The following TAF1B variants were observed in gnomAD, a reference collection of about 807,000 sequenced individuals.
The protein encoded by TAF1B is TATA-box binding protein associated factor, RNA polymerase I subunit B, also known as TATA box-binding protein-associated factor RNA polymerase I subunit B.
A neutral mutation model predicts 83.9 loss-of-function variants in TAF1B; 61 were observed. The ratio of observed to expected loss-of-function variants is 0.73; its 90% CI spans 0.59 to 0.90. TAF1B has a LOEUF of 0.90. Ranked by LOEUF, TAF1B falls within the 40% of genes least tolerant of loss-of-function variation. The probability of loss-of-function intolerance (pLI) is 0.00; values close to 1 mark genes in which losing one functional copy is unlikely to be tolerated. For missense variants in TAF1B, 625 were observed against 677.0 expected (o/e 0.92, Z 0.85); for synonymous variants, 221 against 224.6 (o/e 0.98, Z 0.14).
chr2:9,889,831 TACTAAAG>T (rs1664811239), intron 8 of TAF1B, among the ~76,000 whole-genome samples: 1 of 152,192 alleles, frequency 6.6e-6, no homozygotes, highest in South Asian at 2.1e-4. Context: ...GGCGTATCCC[TACTAAAG>T]ACTCTACCCA....
intron 14 of TAF1B, among the ~76,000 whole-genome samples, chr2:9,921,383 C>T (rs1027921291): frequency 3.3e-5 from 5 of 152,142 alleles, no homozygotes; most frequent in Admixed American, 2.0e-4. Flanking sequence ...TGAGCCACTG[C>T]GCCCAGCCAT....
intron 8 of TAF1B, among the ~76,000 whole-genome samples, chr2:9,894,933 C>T (rs1009309846): frequency 3.9e-5 from 6 of 152,136 alleles, no homozygotes; most frequent in East Asian, 1.9e-4. Flanking sequence ...ATCAGCAGAG[C>T]GTTTGGAGAA....
In TAF1B at chr2:9,919,767, A is replaced by G. The variant is rs1665814208; in HGVS notation, c.1512A>G (p.Ser504=). ...GAGTCCTGAAAGAGAAAGGCCAATC[A>G]CTGCTGACTAAGAATTCATTATATT... ...LQGVLKEKGQ[S]LLTKNSLYWL... is the part of the protein sequence containing the mutation. Residue 504 remains serine, a synonymous_variant, in exon 14 of 15, where the codon TCA becomes TCG. Transcript: ENST00000263663. 6.2e-7 allele frequency: 1 copy of G among 1,614,062 alleles called. No individual in the cohort carries two copies. Among genetic ancestry groups the G allele is most frequent in the Non-Finnish European group, 8.5e-7 (1 of 1,180,032 alleles).
chr2:9,846,158 C>G, intron 2 of TAF1B: 1 of 466,706 alleles, frequency 2.1e-6, no homozygotes, highest in Non-Finnish European at 4.4e-6. Flanking sequence ...GTGAGTTTGC[C>G]AAAGTTACCC....
intron 1 of TAF1B, 126 bp downstream of exon 1, chr2:9,843,685 G>C: frequency 1.8e-6 from 2 of 1,126,948 alleles, no homozygotes; most frequent in South Asian, 1.7e-5. Context: ...AGGCGGGGCG[G>C]AGGGCTGCAG....
intron 7 of TAF1B, among the ~76,000 whole-genome samples, chr2:9,881,068 T>C (rs1664488321): frequency 6.6e-6 from 1 of 152,190 alleles, no homozygotes; most frequent in Non-Finnish European, 1.5e-5. Context: ...GCCTGGTGGC[T>C]CACTTCTGTA....
At chr2:9,872,371 C>G (rs1234873359) in intron 6 of TAF1B, among the ~76,000 whole-genome samples, 2 of 151,256 alleles carry the variant, frequency 1.3e-5, no homozygotes, top group East Asian at 3.9e-4. Flanking sequence ...GCTTCTTAAT[C>G]TGGATTTTAA....
intron 1 of TAF1B, among the ~76,000 whole-genome samples, chr2:9,844,137 C>T (rs1572204420): frequency 6.6e-6 from 1 of 152,148 alleles, no homozygotes; most frequent in South Asian, 2.1e-4. Context: ...TTAGGTACTA[C>T]GTAAAATGGC....
At chr2:9,923,787 T>C (rs577680720) in intron 14 of TAF1B, among the ~76,000 whole-genome samples, 16 of 152,330 alleles carry the variant, frequency 1.1e-4, no homozygotes, top group Middle Eastern at 3.4e-3. Context: ...TCGATTCCTT[T>C]GCATTGGTCA....
At chr2:9,902,564 A>G (rs439310) in intron 8 of TAF1B, among the ~76,000 whole-genome samples, 42,474 of 152,162 alleles carry the variant, frequency 0.28, 6,919 homozygotes, top group Middle Eastern at 0.4. Context: ...ATTCATTGTT[A>G]CATGTAGCAC....
At chr2:9,894,393 ACATT>A (rs1486334464) in intron 8 of TAF1B, among the ~76,000 whole-genome samples, 29 of 152,178 alleles carry the variant, frequency 1.9e-4, no homozygotes, top group African/African-American at 7.0e-4. Flanking sequence ...TAAAGAAAAA[ACATT>A]CTATTAAATT....
chr2:9,904,821 C>G, intron 8 of TAF1B, 38 bp from the exon 9 acceptor site: 1 of 1,576,772 alleles, frequency 6.3e-7, no homozygotes, highest in Non-Finnish European at 8.6e-7. Flanking sequence ...AGTTTTGTTG[C>G]AAAAATTGCA....
chr2:9,904,427 G>T (rs1340715250), intron 8 of TAF1B, among the ~76,000 whole-genome samples: 1 of 152,174 alleles, frequency 6.6e-6, no homozygotes, highest in African/African-American at 2.4e-5. Context: ...TCACTGCAAA[G>T]GACATGATCT....
intron 8 of TAF1B, 27 bp downstream of exon 8, chr2:9,882,832 A>G: frequency 1.3e-6 from 2 of 1,504,356 alleles, no homozygotes; most frequent in Non-Finnish European, 1.8e-6. Flanking sequence ...TTTACTTTCT[A>G]GTCTCTGATA....
At chr2:9,908,929 T>A (rs1665433112) in intron 9 of TAF1B, among the ~76,000 whole-genome samples, 2 of 152,198 alleles carry the variant, frequency 1.3e-5, no homozygotes, top group Non-Finnish European at 2.9e-5. Flanking sequence ...GTGTCTTAAG[T>A]ACCCAGAACA....
chr2:9,907,801 TC>T (rs1392182674), intron 9 of TAF1B, among the ~76,000 whole-genome samples: 1 of 152,070 alleles, frequency 6.6e-6, no homozygotes, highest in Non-Finnish European at 1.5e-5. Flanking sequence ...CAAGCAGGCT[TC>T]CCCTTGACAG....
At chr2:9,853,678 G>T (rs1663470476) in intron 4 of TAF1B, among the ~76,000 whole-genome samples, 1 of 152,082 alleles carries the variant, frequency 6.6e-6, no homozygotes, top group African/African-American at 2.4e-5. Flanking sequence ...ATGTTGCCCA[G>T]GCTGGTTTCG....
intron 5 of TAF1B, among the ~76,000 whole-genome samples, chr2:9,857,709 G>A (rs1270510709): frequency 6.6e-6 from 1 of 152,216 alleles, no homozygotes. Flanking sequence ...AGTAAGGCAT[G>A]TCTTACATGG....
At chr2:9,920,011 C>G (rs1357707296) in intron 14 of TAF1B, among the ~76,000 whole-genome samples, 191 bp downstream of exon 14, 1 of 152,154 alleles carries the variant, frequency 6.6e-6, no homozygotes, top group Admixed American at 6.5e-5. Context: ...GCAATTAGCA[C>G]AAACTATCCC....
Sources: gnomAD v4.1 joint callset for allele counts (sites outside exome capture counted in the v4.1 genomes callset) on GRCh38, gnomAD v4.1.1 for gene constraint, MANE v1.5 for transcripts, NCBI Gene and HGNC (gene_info 2026-07-23, HGNC 2026-07-21) for gene names.